RASGRF1: variants seen among roughly 807,000 people sequenced by gnomAD.
RASGRF1 encodes the protein Ras protein specific guanine nucleotide releasing factor 1.
Under a neutral mutation model 138.7 loss-of-function variants are expected in RASGRF1, and 40 were observed. The observed-to-expected ratio is 0.29, with a 90% confidence interval of 0.22 to 0.38. The LOEUF (loss-of-function observed/expected upper bound fraction) is 0.38, where lower values mean the gene tolerates loss of function less well. Among genes scored for constraint, RASGRF1 ranks in the 10% least tolerant of loss-of-function variants. RASGRF1 has a pLI of 1.00. For missense variants in RASGRF1, 1,108 were observed against 1,650.4 expected (o/e 0.67, Z 5.69); for synonymous variants, 614 against 663.2 (o/e 0.93, Z 1.14).
At chr15:79,054,713 T>A (rs1411809463) in intron 3 of RASGRF1, among the ~76,000 whole-genome samples, 1 of 152,214 alleles carries the variant, frequency 6.6e-6, no homozygotes, top group East Asian at 1.9e-4. Context: ...GAGTCAGTAA[T>A]CAACCTCTGT....
At chr15:79,002,931 T>C (rs1372349032) in intron 15 of RASGRF1, among the ~76,000 whole-genome samples, 1 of 152,228 alleles carries the variant, frequency 6.6e-6, no homozygotes, top group African/African-American at 2.4e-5. Flanking sequence ...TGGTTGCACG[T>C]GGGTGCGTGC....
chr15:79,000,352 G>A (rs956702183), intron 16 of RASGRF1, among the ~76,000 whole-genome samples: 1 of 152,192 alleles, frequency 6.6e-6, no homozygotes, highest in African/African-American at 2.4e-5. Flanking sequence ...CGTGGGCACA[G>A]TGGGATGGAG....
Position 78,980,683 on chromosome 15 carries a change from T to A in RASGRF1, c.3431A>T (p.Asp1144Val), listed in dbSNP as rs765688802. Residue 1144 changes from aspartate (D) to valine (V), a missense_variant, in exon 24 of 27, where the codon GAT (aspartate) becomes GTT (valine). By Grantham distance (152) the Asp-to-Val change is radical. This residue lies in a region of RASGRF1 where 686 missense variants were observed against 976.7 expected (regional missense o/e 0.70). Transcript: ENST00000558480. ...KVSKQTKALI[D>V]KLQKLVSSEG... ...AGATGACACAAGCTTTTGGAGCTTA[T>A]CAATCAAAGCTTTAGTCTAGAAGGA... 39 of 1,604,528 alleles carry A rather than the reference T, an allele frequency of 2.4e-5. No homozygotes were observed. The highest frequency in any genetic ancestry group is 3.2e-5 in the Non-Finnish European group (37 of 1,172,164).
At chr15:78,970,829 T>C (rs1287316662) in intron 26 of RASGRF1, among the ~76,000 whole-genome samples, 9 of 150,532 alleles carry the variant, frequency 6.0e-5, no homozygotes, top group Admixed American at 2.0e-4. Context: ...CTGAGACTTT[T>C]TTTTTTTTTT....
chr15:78,986,391 G>T (rs528129993), intron 22 of RASGRF1, among the ~76,000 whole-genome samples: 4 of 151,792 alleles, frequency 2.6e-5, no homozygotes, highest in African/African-American at 9.7e-5. Context: ...CTGTCGCCCA[G>T]GTTGGAGTGC....
At chr15:78,988,822 G>A (rs1207870482) in intron 22 of RASGRF1, among the ~76,000 whole-genome samples, 1 of 148,472 alleles carries the variant, frequency 6.7e-6, no homozygotes, top group Non-Finnish European at 1.5e-5. Context: ...CACATGTGGG[G>A]AAGTTGCTGG....
intron 26 of RASGRF1, among the ~76,000 whole-genome samples, chr15:78,966,944 T>C (rs1412707784): frequency 6.6e-6 from 1 of 152,188 alleles, no homozygotes; most frequent in African/African-American, 2.4e-5. Context: ...TGACAATTAT[T>C]TGGATATATT....
rs369625475 is a variant in RASGRF1 at position 78,990,764 on chromosome 15, G to A, written c.3132-491C>T. The stretch of plus-strand genomic sequence containing the variant: ...ACATCATAAAGTGACAGGGAGAGGG[G>A]ACCTCGGCAGAGTCCTGTGGGCAGA... On this transcript the variant is annotated intron_variant, in intron 21 of 26. Transcript: ENST00000558480. 3.3e-5 allele frequency among the ~76,000 whole-genome samples: 5 copies of A among 152,352 alleles called. No individual in the cohort carries two copies. The East Asian group carries it at 5.8e-4, about 18-fold the overall frequency.
At chr15:79,015,019 G>A (rs530481899) in intron 13 of RASGRF1, among the ~76,000 whole-genome samples, 3 of 150,904 alleles carry the variant, frequency 2.0e-5, no homozygotes, top group South Asian at 4.2e-4. Flanking sequence ...TGGGGTGACG[G>A]GTGCACCAAA....
chr15:79,064,866 G>C (rs1159408722), intron 1 of RASGRF1, among the ~76,000 whole-genome samples: 1 of 152,190 alleles, frequency 6.6e-6, no homozygotes, highest in Non-Finnish European at 1.5e-5. Flanking sequence ...CATCCTTTTG[G>C]GAACTGGGTA....
chr15:79,077,658 G>A (rs8030257), intron 1 of RASGRF1, among the ~76,000 whole-genome samples: 46,935 of 151,970 alleles, frequency 0.31, 8,598 homozygotes, highest in South Asian at 0.54. Context: ...ATTATCTTCA[G>A]TTCCTGCTTC....
chr15:79,017,242 C>T (rs1437735679), intron 12 of RASGRF1, among the ~76,000 whole-genome samples: 1 of 152,232 alleles, frequency 6.6e-6, no homozygotes. Context: ...CAAAGCAAAA[C>T]TAAATCTTCC....
rs1462564412 is a variant in RASGRF1 at position 78,973,550 on chromosome 15, T to C, written c.3495-130A>G. 2.9e-6 allele frequency: 2 copies of C among 678,412 alleles called. No individual in the cohort carries two copies. The highest frequency in any genetic ancestry group is 3.6e-5 in the African/African-American group (2 of 55,304). 42.0% of individuals were successfully genotyped at this position (678,412 alleles called of 1,614,324 possible). On this transcript the variant is annotated intron_variant, in intron 24 of 26. Transcript: ENST00000558480. This position sits in a 1 kb window ranked among gnomAD's most constrained non-coding sequence, Gnocchi z 4.9. ...GACTTGCAGTCACCAAGAATCACAC[T>C]ACACTCTAGAACTGACTATTCTACA... is the stretch of plus-strand genomic sequence containing the variant.
rs1279249138 is a variant in RASGRF1 at position 78,960,973 on chromosome 15, G to A, written c.*1171C>T. 1 of 152,182 alleles carries A rather than the reference G, an allele frequency of 6.6e-6. No homozygotes were observed. Among genetic ancestry groups the A allele is most frequent in the Non-Finnish European group, 1.5e-5 (1 of 68,040 alleles). 9.4% of individuals were successfully genotyped at this position (152,182 alleles called of 1,614,324 possible). ...GGAAACATATATTTTTACAAAAATG[G>A]AAATTTTTTTCCAAACAAGCTGTAA... On this transcript the variant is annotated 3_prime_UTR_variant, in exon 27 of 27. Transcript: ENST00000558480.
chr15:79,082,329 C>G (rs2141103891), intron 1 of RASGRF1, among the ~76,000 whole-genome samples: 1 of 152,294 alleles, frequency 6.6e-6, no homozygotes, highest in Middle Eastern at 3.4e-3. Context: ...TGGGTCCCTT[C>G]TGGGAAAAGC....
At chr15:78,978,658 C>T (rs1489773863) in intron 24 of RASGRF1, 5 of 1,011,180 alleles carry the variant, frequency 4.9e-6, no homozygotes, top group Non-Finnish European at 4.7e-6. Flanking sequence ...GGACTGCCAC[C>T]TCGCTACTCT....
intron 5 of RASGRF1, among the ~76,000 whole-genome samples, chr15:79,042,938 G>A (rs756862800): frequency 4.6e-5 from 7 of 152,216 alleles, no homozygotes; most frequent in Non-Finnish European, 8.8e-5. Flanking sequence ...TGAAGCTTGT[G>A]CTGTCCCTAA....
At chr15:78,981,073 T>G (rs2056016742) in intron 23 of RASGRF1, 1 of 168,432 alleles carries the variant, frequency 5.9e-6, no homozygotes, top group Non-Finnish European at 1.3e-5. Flanking sequence ...TTTCCTGATC[T>G]TTCTCATGAA....
rs751054636 is a variant in RASGRF1, at chr15:79,035,142, G to A, written c.947C>T (p.Thr316Met). Residue 316 changes from threonine to methionine, a missense_variant, in exon 6 of 27, where the codon ACG becomes ATG. Physicochemically the swap from Thr to Met is moderately conservative, Grantham distance 81. This residue lies in a region of RASGRF1 where 169 missense variants were observed against 344.2 expected (regional missense o/e 0.49). Coordinates refer to ENST00000558480, the MANE Select transcript of RASGRF1 (RefSeq NM_001145648.3). ...GGCTGACTACTCACCCAGGACCAGC[G>A]TGGGCCAGCTGGAGATGCGGGCCTT... The part of the protein sequence containing the change: ...GLKARISSWP[T>M]LVLADLFDIL... The A allele has an allele frequency of 1.2e-5, 20 of 1,613,042 alleles. No homozygotes were observed. The highest frequency in any genetic ancestry group is 1.6e-5 in the Non-Finnish European group (19 of 1,179,150).
Sources: allele counts gnomAD v4.1 joint callset (sites outside exome capture counted in the v4.1 genomes callset), GRCh38; gene constraint gnomAD v4.1.1; regional missense constraint gnomAD v4.1.1; non-coding constraint Gnocchi (gnomAD v3.1); transcripts MANE v1.5; gene names NCBI Gene and HGNC (gene_info 2026-07-23, HGNC 2026-07-21).